Variants in HPS5 observed in about 807,000 individuals in gnomAD.
HPS5 encodes the protein BLOC-2 complex member HPS5.
A neutral mutation model predicts 128.0 loss-of-function variants in HPS5; 83 were observed. The ratio of observed to expected loss-of-function variants is 0.65; its 90% CI spans 0.54 to 0.78. The LOEUF (loss-of-function observed/expected upper bound fraction) is 0.78. Among genes scored for constraint, HPS5 ranks in the 30% least tolerant of loss-of-function variants. HPS5 has a pLI of 0.00. For missense variants in HPS5, 1,281 were observed against 1,326.2 expected (o/e 0.97, Z 0.53); for synonymous variants, 475 against 470.2 (o/e 1.01, Z -0.13).
At position 18,279,744 on chromosome 11, in the gene HPS5, A is replaced by G; in HGVS notation, c.*138T>C. On this transcript the variant is annotated 3_prime_UTR_variant, in exon 23 of 23. Transcript: ENST00000349215. The stretch of plus-strand genomic sequence containing the variant: ...AGATGCCGATGCCAAGGGTACAGAC[A>G]CTGACAAAAGTAGCCCCAATAAGAT... The G allele has an allele frequency of 2.5e-6, 2 of 800,212 alleles. No homozygotes were observed. Among genetic ancestry groups the G allele is most frequent in the Non-Finnish European group, 4.3e-6 (2 of 463,046 alleles). 49.6% of individuals were successfully genotyped at this position (800,212 alleles called of 1,614,324 possible). A position where few individuals can be genotyped will look rare whatever the true frequency, so the allele number is the denominator to read the frequency against.
chr11:18,318,036 C>T, intron 1 of HPS5, 129 bp from the exon 2 acceptor site: 1 of 659,088 alleles, frequency 1.5e-6, no homozygotes, highest in Non-Finnish European at 2.6e-6. Context: ...AAAGAAAACA[C>T]ATAAGGTAAC....
At chr11:18,289,992 C>G (rs975363390) in intron 16 of HPS5, among the ~76,000 whole-genome samples, 1 of 152,222 alleles carries the variant, frequency 6.6e-6, no homozygotes, top group Non-Finnish European at 1.5e-5. Context: ...TCTTTTCCTC[C>G]TGGACAGGTT....
At position 18,298,833 on chromosome 11, in the gene HPS5, G is replaced by C. The variant is rs761598432; in HGVS notation, c.1123C>G (p.Arg375Gly). ...GAATTTTGGAAAAGACAGCATGTAC[G>C]AGCAGCCAAGTTCCATAGGCCTCTT... ...LRRGLWNLAA[R>G]TCCLFQNSVI... Residue 375 changes from arginine (R) to glycine (G), a missense_variant, in exon 10 of 23, where the codon CGT (arginine) becomes GGT (glycine). Coordinates refer to ENST00000349215, the MANE Select transcript of HPS5 (RefSeq NM_181507.2). The C allele has an allele frequency of 6.2e-7, 1 of 1,614,150 alleles. No individual in the cohort carries two copies. The highest frequency in any genetic ancestry group is 1.3e-5 in the African/African-American group (1 of 75,046).
At chr11:18,292,429 A>T (rs1860525883) in intron 15 of HPS5, among the ~76,000 whole-genome samples, 1 of 152,074 alleles carries the variant, frequency 6.6e-6, no homozygotes, top group Non-Finnish European at 1.5e-5. Flanking sequence ...TCTAAGCTCA[A>T]GCGATCCGCC....
chr11:18,311,353 A>C (rs1449665977), intron 4 of HPS5, 34 bp downstream of exon 4: 18 of 1,441,224 alleles, frequency 1.2e-5, no homozygotes, highest in Non-Finnish European at 1.7e-5. Context: ...AATGCATTTG[A>C]AAAAGGACAG....
intron 15 of HPS5, among the ~76,000 whole-genome samples, 187 bp from the exon 16 acceptor site, chr11:18,292,206 T>C (rs1251455528): frequency 7.5e-6 from 1 of 133,020 alleles, no homozygotes; most frequent in Non-Finnish European, 1.6e-5. Flanking sequence ...TTGTAGTGTT[T>C]TACTTTTTTT....
chr11:18,313,912 C>CAAAA (rs58704871), intron 2 of HPS5, among the ~76,000 whole-genome samples: 1 of 110,752 alleles, frequency 9.0e-6, no homozygotes, highest in Admixed American at 9.0e-5. Context: ...GACTCCGTCT[C>CAAAA]AAAAAAAAAA....
In HPS5 at chr11:18,291,797, A is replaced by C. The variant is rs540312367; in HGVS notation, c.2085T>G (p.Ser695=). 7 of 1,613,790 alleles carry C rather than the reference A, an allele frequency of 4.3e-6. No homozygotes were observed. In the East Asian group the frequency reaches 1.6e-4, roughly 36 times the overall value. ...DEDNEKEKRD[S]LGNEESVDKT... ...TATCAACAGATTCTTCATTGCCTAA[A>C]GAGTCCCTTTTTTCTTTTTCATTAT... The change falls in exon 16 of 23, where the codon TCT becomes TCG. Residue 695 remains serine, a synonymous_variant. Transcript: ENST00000349215.
chr11:18,279,860 C>T lies in HPS5; in HGVS notation c.*22G>A. The T allele has an allele frequency of 1.2e-6, 2 of 1,609,154 alleles. No homozygotes were observed. Among genetic ancestry groups the T allele is most frequent in the Non-Finnish European group, 1.7e-6 (2 of 1,175,460 alleles). Reference sequence around the variant, plus strand: ...TTTAGTTTTTCTCAAAATGTCATGACATCCTGCTGAATCTTCTCCCACTAG... The same window carrying T: ...TTTAGTTTTTCTCAAAATGTCATGATATCCTGCTGAATCTTCTCCCACTAG... On this transcript the variant is annotated 3_prime_UTR_variant, in exon 23 of 23. Transcript: ENST00000349215.
Position 18,309,076 on chromosome 11 carries a change from C to A in HPS5, c.481G>T (p.Ala161Ser), listed in dbSNP as rs773501167. 1.9e-6 allele frequency: 3 copies of A among 1,613,860 alleles called. No homozygotes were observed. In the South Asian group the frequency reaches 3.3e-5, roughly 18 times the overall value. The change falls in exon 6 of 23, where the codon GCT becomes TCT. Residue 161 changes from alanine (A) to serine (S), a missense_variant. Ala to Ser is a moderately conservative substitution (Grantham distance 99, BLOSUM62 1). Coordinates refer to ENST00000349215, the MANE Select transcript of HPS5 (RefSeq NM_181507.2). ...KLNTSKQAKA[A>S]AAFVMFPVQT... ...ACAGGAAACATCACAAAAGCAGCAGCTGCCTAAAAGGAATGTGAGAAAGAA... is the reference window on the plus strand; with the variant it reads ...ACAGGAAACATCACAAAAGCAGCAGATGCCTAAAAGGAATGTGAGAAAGAA...
At chr11:18,316,606 T>C (rs1863656496) in intron 2 of HPS5, among the ~76,000 whole-genome samples, 1 of 152,158 alleles carries the variant, frequency 6.6e-6, no homozygotes, top group African/African-American at 2.4e-5. Context: ...AAATTATACC[T>C]CTATGTAAAG....
intron 20 of HPS5, 62 bp downstream of exon 20, chr11:18,285,284 A>T: frequency 2.0e-6 from 2 of 1,018,604 alleles, no homozygotes; most frequent in Admixed American, 1.8e-5. Context: ...ACCCTTAACT[A>T]TAAAGTTGTT....
At chr11:18,315,772 T>C (rs528170808) in intron 2 of HPS5, among the ~76,000 whole-genome samples, 1 of 152,338 alleles carries the variant, frequency 6.6e-6, no homozygotes, top group South Asian at 2.1e-4. Context: ...TTTTCATTTA[T>C]TCTTCTGAAG....
Position 18,310,953 on chromosome 11 carries a change from G to C in HPS5, c.285-20C>G, listed in dbSNP as rs1194067530. 3 of 1,607,200 alleles carry C rather than the reference G, an allele frequency of 1.9e-6. No individual in the cohort carries two copies. Among genetic ancestry groups the C allele is most frequent in the African/African-American group, 1.3e-5 (1 of 74,780 alleles). Reference sequence around the variant, plus strand: ...CCTTGACTGCAAGAATTGAGTCACAGAGGCAAACGTGGCAACAGTGAACAA... The same window carrying C: ...CCTTGACTGCAAGAATTGAGTCACACAGGCAAACGTGGCAACAGTGAACAA... On this transcript the variant is annotated intron_variant, in intron 4 of 22. Coordinates refer to ENST00000349215, the MANE Select transcript of HPS5 (RefSeq NM_181507.2).
chr11:18,284,219 C>A (rs1440151809), intron 20 of HPS5, among the ~76,000 whole-genome samples: 1 of 151,676 alleles, frequency 6.6e-6, no homozygotes, highest in African/African-American at 2.4e-5. Context: ...TGAGGCCAAG[C>A]TCCAATTATA....
intron 19 of HPS5, among the ~76,000 whole-genome samples, chr11:18,285,839 A>G (rs1859643168): frequency 6.6e-6 from 1 of 152,234 alleles, no homozygotes; most frequent in African/African-American, 2.4e-5. Flanking sequence ...CACAAGTACC[A>G]GTGTGTACTT....
intron 2 of HPS5, among the ~76,000 whole-genome samples, chr11:18,316,407 T>C (rs1413048524): frequency 6.6e-6 from 1 of 152,174 alleles, no homozygotes; most frequent in Non-Finnish European, 1.5e-5. Flanking sequence ...GAAGAGACAG[T>C]TTTCTCTTGG....
At chr11:18,285,248 C>A in intron 20 of HPS5, 98 bp downstream of exon 20, 4 of 677,450 alleles carry the variant, frequency 5.9e-6, no homozygotes, top group African/African-American at 1.8e-5. Flanking sequence ...AAGAGAATCC[C>A]CAAATATTAA....
chr11:18,306,669 T>A (rs2079191011), intron 6 of HPS5, among the ~76,000 whole-genome samples: 2 of 152,234 alleles, frequency 1.3e-5, no homozygotes, highest in South Asian at 2.1e-4. Context: ...ATTTCGTACA[T>A]CCTTGAATCC....
Sources: gnomAD v4.1 joint callset for allele counts (sites outside exome capture counted in the v4.1 genomes callset) on GRCh38, gnomAD v4.1.1 for gene constraint, MANE v1.5 for transcripts, NCBI Gene and HGNC (gene_info 2026-07-23, HGNC 2026-07-21) for gene names.